VPS13A: variants seen among roughly 807,000 people sequenced by gnomAD.
VPS13A encodes the protein vacuolar protein sorting 13 homolog A, also known as intermembrane lipid transfer protein VPS13A.
Under a neutral mutation model 390.9 loss-of-function variants are expected in VPS13A, and 264 were observed. The ratio of observed to expected loss-of-function variants is 0.68; its 90% CI spans 0.61 to 0.75. VPS13A has a LOEUF of 0.75. VPS13A is among the 30% of genes least tolerant of loss of function. The pLI is 0.00. For missense variants in VPS13A, 3,409 were observed against 3,733.9 expected (o/e 0.91, Z 2.27); for synonymous variants, 1,231 against 1,227.1 (o/e 1.00, Z -0.07).
chr9:77,284,962 C>T (rs1010947488), intron 31 of VPS13A, among the ~76,000 whole-genome samples: 9 of 152,052 alleles, frequency 5.9e-5, no homozygotes, highest in African/African-American at 2.2e-4. Flanking sequence ...GTCCCGGCCT[C>T]CCAAAATGCT....
At chr9:77,396,628 C>T (rs1834129937) in intron 68 of VPS13A, among the ~76,000 whole-genome samples, 3 of 152,110 alleles carry the variant, frequency 2.0e-5, no homozygotes, top group African/African-American at 4.8e-5. Context: ...CTGGCCATGG[C>T]ACTCGAGTCT....
intron 13 of VPS13A, among the ~76,000 whole-genome samples, chr9:77,224,741 A>G (rs1397233415): frequency 6.6e-6 from 1 of 152,242 alleles, no homozygotes; most frequent in Non-Finnish European, 1.5e-5. Flanking sequence ...ACATAAAATT[A>G]GTTGATAAAG....
intron 23 of VPS13A, among the ~76,000 whole-genome samples, chr9:77,268,880 C>G: frequency 6.7e-6 from 1 of 150,344 alleles, no homozygotes; most frequent in Non-Finnish European, 1.5e-5. Context: ...GTGGAGGTTG[C>G]AGTGAGCCAA....
chr9:77,206,687 T>G (rs1391156626), intron 5 of VPS13A, among the ~76,000 whole-genome samples: 1 of 152,196 alleles, frequency 6.6e-6, no homozygotes, highest in Non-Finnish European at 1.5e-5. Context: ...ACCTAGTGGG[T>G]TTTTTGCCTT....
At chr9:77,343,397 T>C (rs1451308948) in intron 50 of VPS13A, among the ~76,000 whole-genome samples, 1 of 152,210 alleles carries the variant, frequency 6.6e-6, no homozygotes, top group Non-Finnish European at 1.5e-5. Flanking sequence ...CCTCAAGTCA[T>C]GTGATGATGA....
chr9:77,265,570 G>A (rs984304411), intron 23 of VPS13A, among the ~76,000 whole-genome samples: 1 of 152,066 alleles, frequency 6.6e-6, no homozygotes, highest in Non-Finnish European at 1.5e-5. Context: ...CTAGATTTTT[G>A]TAGTTTATTT....
At chr9:77,247,125 A>G (rs1824863222) in intron 19 of VPS13A, 134 bp from the exon 20 acceptor site, 2 of 706,688 alleles carry the variant, frequency 2.8e-6, no homozygotes, top group Non-Finnish European at 4.4e-6. Context: ...TATTGGAAGT[A>G]TTTTGCTGAG....
rs1227765720 is a variant in VPS13A at position 77,344,999 on chromosome 9, T to C, written c.7156-10T>C. The C allele has an allele frequency of 6.2e-7, 1 of 1,610,352 alleles. No homozygotes were observed. Among genetic ancestry groups the C allele is most frequent in the African/African-American group, 1.3e-5 (1 of 75,036 alleles). ...ATTACATTAAAATGTTTTCTTTTTC[T>C]TTCTTCTAGCTTGGAGGTATTATAG... On this transcript the variant is annotated splice_polypyrimidine_tract_variant and intron_variant, in intron 51 of 71. Transcript: ENST00000360280.
At chr9:77,221,434 A>G (rs1296175527) in intron 13 of VPS13A, 78 bp downstream of exon 13, 1 of 1,484,780 alleles carries the variant, frequency 6.7e-7, no homozygotes, top group Non-Finnish European at 9.3e-7. Context: ...GATACTCCCT[A>G]CCTTTCATTC....
chr9:77,198,386 TTC>T (rs564893100), intron 1 of VPS13A, among the ~76,000 whole-genome samples: 272 of 152,316 alleles, frequency 1.8e-3, no homozygotes, highest in South Asian at 0.013. Context: ...ATCACACATT[TTC>T]ACCATGTACC....
At chr9:77,370,671 C>A in intron 65 of VPS13A, 93 bp downstream of exon 65, 1 of 1,554,824 alleles carries the variant, frequency 6.4e-7, no homozygotes, top group East Asian at 2.3e-5. Flanking sequence ...ATTCTCACTC[C>A]TTAAATTATT....
At chr9:77,306,646 G>T (rs1187836840) in intron 34 of VPS13A, among the ~76,000 whole-genome samples, 1 of 151,916 alleles carries the variant, frequency 6.6e-6, no homozygotes, top group Non-Finnish European at 1.5e-5. Context: ...TTTATTGAAG[G>T]CCTCCAACTT....
At chr9:77,331,422 G>T (rs1830268321) in intron 45 of VPS13A, among the ~76,000 whole-genome samples, 1 of 151,912 alleles carries the variant, frequency 6.6e-6, no homozygotes, top group Admixed American at 6.6e-5. Flanking sequence ...GGTATTAAAA[G>T]ATACTCCATG....
chr9:77,347,299 G>C (rs1402127142), intron 52 of VPS13A, among the ~76,000 whole-genome samples: 1 of 133,948 alleles, frequency 7.5e-6, no homozygotes, highest in South Asian at 2.4e-4. Context: ...TCATAATATT[G>C]AATCTACCAT....
At chr9:77,330,993 G>A (rs989582070) in intron 45 of VPS13A, among the ~76,000 whole-genome samples, 3 of 151,928 alleles carry the variant, frequency 2.0e-5, no homozygotes, top group Non-Finnish European at 4.4e-5. Context: ...ACCTTGTTTT[G>A]CTATGTTCTG....
At chr9:77,337,226 T>A (rs1430770144) in intron 46 of VPS13A, 29 bp from the exon 47 acceptor site, 7 of 1,594,724 alleles carry the variant, frequency 4.4e-6, no homozygotes, top group Non-Finnish European at 6.0e-6. Flanking sequence ...TTTAAAACAT[T>A]TTAAACTGTA....
chr9:77,209,360 A>T (rs915345397), intron 5 of VPS13A, 63 bp from the exon 6 acceptor site: 5 of 1,131,356 alleles, frequency 4.4e-6, no homozygotes, highest in African/African-American at 3.1e-5. Context: ...TTACTTCAGT[A>T]TGTGGATATT....
chr9:77,287,224 T>TTCTC lies in VPS13A; in HGVS notation c.3339+3596_3339+3599dup, dbSNP rs147295666. On this transcript the variant is annotated intron_variant, in intron 31 of 71. Coordinates refer to ENST00000360280, the MANE Select transcript of VPS13A (RefSeq NM_033305.3). ...TAATATATTTTATATATACATAAAA[T>TTCTC]TCTCTCTCTCTCTCTCTCTCTCTCT... is the stretch of plus-strand genomic sequence containing the variant. 2.3e-3 allele frequency among the ~76,000 whole-genome samples: 340 copies of TTCTC among 145,068 alleles called. 3 individuals carry two copies. Among genetic ancestry groups the TTCTC allele is most frequent in the East Asian group, 0.015 (76 of 5,052 alleles).
chr9:77,254,925 C>T (rs1167258011), intron 22 of VPS13A, among the ~76,000 whole-genome samples: 1 of 152,110 alleles, frequency 6.6e-6, no homozygotes, highest in Non-Finnish European at 1.5e-5. Context: ...CATATAAGAT[C>T]CTATCATCTG....
Sources: allele counts gnomAD v4.1 joint callset (sites outside exome capture counted in the v4.1 genomes callset), GRCh38; gene constraint gnomAD v4.1.1; transcripts MANE v1.5; gene names NCBI Gene and HGNC (gene_info 2026-07-23, HGNC 2026-07-21).